The following MAP7D1 variants were observed in gnomAD, a reference collection of about 807,000 sequenced individuals.
The protein encoded by MAP7D1 is MAP7 domain containing 1.
In MAP7D1, 30 loss-of-function variants were observed where a neutral mutation model predicts 97.5. The observed-to-expected ratio is 0.31, with a 90% CI of 0.23 to 0.42. The LOEUF (loss-of-function observed/expected upper bound fraction) is 0.42. MAP7D1 is among the 10% of genes least tolerant of loss of function. The pLI, the probability that MAP7D1 is intolerant of heterozygous loss-of-function variation, is 1.00. For synonymous variants in MAP7D1, 536 were observed against 477.1 expected (o/e 1.12, Z -1.61); for missense variants, 1,184 against 1,179.5 (o/e 1.00, Z -0.06).
In MAP7D1 at chr1:36,176,253, C is replaced by T. The variant is rs756687675; in HGVS notation, c.905C>T (p.Thr302Met). Residue 302 changes from threonine (T) to methionine (M), a missense_variant, in exon 7 of 17, where the codon ACG becomes ATG. Transcript: ENST00000474796. This position sits in a 1 kb window ranked among gnomAD's most constrained non-coding sequence, Gnocchi z 6.1. ...AGCAGCATCGTGGATCGTCTGATGACGCCCACTCTCTCCTTCCTTGCTCGG... is the reference window on the plus strand; with the variant it reads ...AGCAGCATCGTGGATCGTCTGATGATGCCCACTCTCTCCTTCCTTGCTCGG... Reference protein sequence around the residue: ...WESSIVDRLMTPTLSFLARSR... With the variant: ...WESSIVDRLMMPTLSFLARSR... 4.4e-6 allele frequency: 7 copies of T among 1,608,238 alleles called. No individual in the cohort carries two copies. The East Asian group carries it at 8.9e-5, about 21-fold the overall frequency.
chr1:36,169,834 C>T (rs2124223830), intron 1 of MAP7D1, among the ~76,000 whole-genome samples: 1 of 152,196 alleles, frequency 6.6e-6, no homozygotes, highest in African/African-American at 2.4e-5. Context: ...CCCCATTTTA[C>T]AGGTATCAAA....
In MAP7D1 at chr1:36,176,790, C is replaced by T. The variant is rs1644632612; in HGVS notation, c.1327C>T (p.Leu443=). The part of the protein sequence containing the change: ...RERSLKKRQS[L]PASPRARLSA... ...GCGCAGCCTCAAGAAGCGCCAGTCGCTGCCCGCCTCCCCACGTGCCCGCCT... is the reference window on the plus strand; with the variant it reads ...GCGCAGCCTCAAGAAGCGCCAGTCGTTGCCCGCCTCCCCACGTGCCCGCCT... Residue 443 remains leucine (L), a synonymous_variant, in exon 8 of 17, where the codon CTG becomes TTG. Transcript: ENST00000474796. The surrounding 1 kb of genome is among the most constrained non-coding windows in gnomAD (Gnocchi z 6.1). 1.9e-6 allele frequency: 3 copies of T among 1,597,012 alleles called. No individual in the cohort carries two copies. The East Asian group carries it at 6.8e-5, about 36-fold the overall frequency.
chr1:36,179,285 G>A lies in MAP7D1; in HGVS notation c.2154G>A (p.Arg718=), dbSNP rs1179692192. Residue 718 remains arginine, a synonymous_variant, in exon 13 of 17, where the codon AGG becomes AGA. Coordinates refer to ENST00000474796, the MANE Select transcript of MAP7D1 (RefSeq NM_001388490.1). ...AGCGTCTGGAGGAGATCATGAAGAGGACTCGGAAGTCAGAAGTTTCTGAAA... is the reference window on the plus strand; with the variant it reads ...AGCGTCTGGAGGAGATCATGAAGAGAACTCGGAAGTCAGAAGTTTCTGAAA... The part of the protein sequence containing the change: ...RRKRLEEIMK[R]TRKSEVSETK... 8.7e-6 allele frequency: 14 copies of A among 1,613,972 alleles called. No individual in the cohort carries two copies. Among genetic ancestry groups the A allele is most frequent in the Non-Finnish European group, 1.2e-5 (14 of 1,179,996 alleles).
chr1:36,167,648 C>T (rs1444519631), intron 1 of MAP7D1, among the ~76,000 whole-genome samples: 1 of 152,208 alleles, frequency 6.6e-6, no homozygotes, highest in African/African-American at 2.4e-5. Context: ...AGGGCTTGCC[C>T]GAGGTTCGCC....
At chr1:36,169,347 G>A (rs1241943624) in intron 1 of MAP7D1, among the ~76,000 whole-genome samples, 1 of 151,716 alleles carries the variant, frequency 6.6e-6, no homozygotes, top group African/African-American at 2.4e-5. Context: ...ATGAGGTCAG[G>A]AAATTGAGAC....
chr1:36,178,547 C>G lies in MAP7D1; in HGVS notation c.1837C>G (p.Gln613Glu). The change falls in exon 10 of 17, where the codon CAG becomes GAG. Residue 613 changes from glutamine (Q) to glutamate (E), a missense_variant. Coordinates refer to ENST00000474796, the MANE Select transcript of MAP7D1 (RefSeq NM_001388490.1). ...LAEKRRQARE[Q>E]REREEQERRL... ...TGAGAAGCGGCGCCAGGCCCGGGAGCAGCGGGAGCGCGAGGAGCAGGAGCG... is the reference window on the plus strand; with the variant it reads ...TGAGAAGCGGCGCCAGGCCCGGGAGGAGCGGGAGCGCGAGGAGCAGGAGCG... 1 of 1,598,334 alleles carries G rather than the reference C, an allele frequency of 6.3e-7. No individual in the cohort carries two copies. The highest frequency in any genetic ancestry group is 8.5e-7 in the Non-Finnish European group (1 of 1,173,286).
At position 36,171,256 on chromosome 1, in the gene MAP7D1, G is replaced by T; in HGVS notation, c.332G>T (p.Arg111Met). ...MGPRDARPPR[R>M]SSQPSPTAVP... is the part of the protein sequence containing the mutation. ...CCACGGGATGCCAGACCTCCTCGAA[G>T]GAGCAGCCAGCCATCTCCAACAGCA... Residue 111 changes from arginine (R) to methionine (M), a missense_variant, in exon 2 of 17, where the codon AGG becomes ATG. By Grantham distance (91) the Arg-to-Met change is moderately conservative. Coordinates refer to ENST00000474796, the MANE Select transcript of MAP7D1 (RefSeq NM_001388490.1). The T allele has an allele frequency of 1.9e-6, 3 of 1,597,236 alleles. No individual in the cohort carries two copies. The highest frequency in any genetic ancestry group is 2.6e-6 in the Non-Finnish European group (3 of 1,171,910).
intron 1 of MAP7D1, among the ~76,000 whole-genome samples, chr1:36,166,358 G>A (rs1261384903): frequency 6.6e-6 from 1 of 151,726 alleles, no homozygotes; most frequent in Non-Finnish European, 1.5e-5. Context: ...AATCATTGCA[G>A]GATTTTGTCA....
intron 1 of MAP7D1, among the ~76,000 whole-genome samples, chr1:36,162,802 A>AC (rs1644430314): frequency 1.3e-5 from 2 of 152,042 alleles, no homozygotes; most frequent in East Asian, 3.9e-4. Flanking sequence ...TTTCTACAGT[A>AC]CCCCCACCCA....
intron 1 of MAP7D1, among the ~76,000 whole-genome samples, chr1:36,156,673 A>T (rs968661167): frequency 6.0e-5 from 9 of 150,750 alleles, no homozygotes; most frequent in African/African-American, 2.0e-4. Flanking sequence ...CGGGTGCCGG[A>T]CGCATCGGGC....
intron 6 of MAP7D1, 136 bp downstream of exon 6, chr1:36,175,144 A>G: frequency 3.1e-6 from 2 of 652,826 alleles, no homozygotes; most frequent in Admixed American, 4.7e-5. Flanking sequence ...TACCTTACCC[A>G]GGGCTCTGTG....
In MAP7D1 at chr1:36,178,708, C is replaced by A; in HGVS notation, c.1910C>A (p.Ala637Glu). The change falls in exon 11 of 17, where the codon GCA (alanine) becomes GAA (glutamate). Residue 637 changes from alanine to glutamate, a missense_variant. Coordinates refer to ENST00000474796, the MANE Select transcript of MAP7D1 (RefSeq NM_001388490.1). ...AGGCGAATGCGAGAGGAGCAGCTGG[C>A]ACGGGAGGCCGAGGCCCGGGCGGAG... Reference protein sequence around the residue: ...RDKRMREEQLAREAEARAERE... With the variant: ...RDKRMREEQLEREAEARAERE... 6.5e-7 allele frequency: 1 copy of A among 1,533,890 alleles called. No individual in the cohort carries two copies.
intron 16 of MAP7D1, 31 bp downstream of exon 16, chr1:36,180,098 A>T: frequency 6.2e-7 from 1 of 1,611,968 alleles, no homozygotes; most frequent in South Asian, 1.1e-5. Flanking sequence ...ACCCAGCTCC[A>T]TTCCTCCCAG....
rs1477628968 is a variant in MAP7D1 at position 36,171,229 on chromosome 1, G to A, written c.305G>A (p.Gly102Asp). 3.1e-6 allele frequency: 5 copies of A among 1,611,074 alleles called. No homozygotes were observed. Among genetic ancestry groups the A allele is most frequent in the South Asian group, 2.2e-5 (2 of 90,828 alleles). ...KSRGPTPPAM[G>D]PRDARPPRRS... Reference sequence around the variant, plus strand: ...AGAGGACCCACCCCACCAGCCATGGGCCCACGGGATGCCAGACCTCCTCGA... The same window carrying A: ...AGAGGACCCACCCCACCAGCCATGGACCCACGGGATGCCAGACCTCCTCGA... Residue 102 changes from glycine to aspartate, a missense_variant, in exon 2 of 17, where the codon GGC becomes GAC. Physicochemically the swap from Gly to Asp is moderately conservative, Grantham distance 94. Coordinates refer to ENST00000474796, the MANE Select transcript of MAP7D1 (RefSeq NM_001388490.1).
chr1:36,175,091 G>T, intron 6 of MAP7D1, 83 bp downstream of exon 6: 1 of 812,590 alleles, frequency 1.2e-6, no homozygotes, highest in Non-Finnish European at 1.9e-6. Flanking sequence ...AAGAACACCA[G>T]GTCCCTGGAG....
intron 13 of MAP7D1, 70 bp from the exon 14 acceptor site, chr1:36,179,445 G>A (rs1397988353): frequency 7.0e-6 from 11 of 1,575,686 alleles, no homozygotes; most frequent in Admixed American, 1.8e-5. Flanking sequence ...CAAGGGGAGG[G>A]CCGAACTCAG....
chr1:36,169,416 C>T (rs1341077426), intron 1 of MAP7D1, among the ~76,000 whole-genome samples: 1 of 151,976 alleles, frequency 6.6e-6, no homozygotes, highest in Non-Finnish European at 1.5e-5. Flanking sequence ...ATTAGCCAGG[C>T]GTGGTGGCGG....
At position 36,176,379 on chromosome 1, in the gene MAP7D1, C is replaced by A; in HGVS notation, c.1031C>A (p.Ala344Glu). ...TGGGGCCGGGCAGGGGCCAGCCTGGCGCGCGGGCCGCAACCCGACCGCACT... is the reference window on the plus strand; with the variant it reads ...TGGGGCCGGGCAGGGGCCAGCCTGGAGCGCGGGCCGCAACCCGACCGCACT... The part of the protein sequence containing the change: ...PTWGRAGASL[A>E]RGPQPDRTHP... Residue 344 changes from alanine to glutamate, a missense_variant, in exon 7 of 17, where the codon GCG becomes GAG. Ala to Glu is a moderately radical substitution (Grantham distance 107, BLOSUM62 -1). Coordinates refer to ENST00000474796, the MANE Select transcript of MAP7D1 (RefSeq NM_001388490.1). This position sits in a 1 kb window ranked among gnomAD's most constrained non-coding sequence, Gnocchi z 6.1. 1 of 1,521,964 alleles carries A rather than the reference C, an allele frequency of 6.6e-7. No individual in the cohort carries two copies. The highest frequency in any genetic ancestry group is 8.8e-7 in the Non-Finnish European group (1 of 1,140,292). The allele number at this position is 1,521,964 out of a possible 1,614,324, so 94.3% of individuals were successfully genotyped here.
intron 6 of MAP7D1, 119 bp downstream of exon 6, chr1:36,175,127 C>A (rs959882568): frequency 5.8e-6 from 4 of 690,422 alleles, no homozygotes; most frequent in Admixed American, 2.2e-5. Flanking sequence ...GGTCCCCATC[C>A]CCACTCTACC....
Sources: allele counts gnomAD v4.1 joint callset (sites outside exome capture counted in the v4.1 genomes callset), GRCh38; gene constraint gnomAD v4.1.1; non-coding constraint Gnocchi (gnomAD v3.1); transcripts MANE v1.5; gene names NCBI Gene and HGNC (gene_info 2026-07-23, HGNC 2026-07-21).